ZBTB8OS: variants seen among roughly 807,000 people sequenced by gnomAD.
ZBTB8OS encodes the protein tRNA splicing ligase complex subunit 1.
In ZBTB8OS, 16 loss-of-function variants were observed where a neutral mutation model predicts 29.3. That is an observed-to-expected ratio of 0.55 (90% CI 0.37 to 0.83). ZBTB8OS has a LOEUF of 0.83. Among genes scored for constraint, ZBTB8OS ranks in the 40% least tolerant of loss-of-function variants. ZBTB8OS has a pLI of 0.00. For missense variants in ZBTB8OS, 160 were observed against 196.9 expected (o/e 0.81, Z 1.12); for synonymous variants, 70 against 64.6 (o/e 1.08, Z -0.40).
intron 1 of ZBTB8OS, among the ~76,000 whole-genome samples, chr1:32,637,728 C>T (rs1004064253): frequency 2.0e-5 from 3 of 152,130 alleles, no homozygotes; most frequent in East Asian, 1.9e-4. Flanking sequence ...GTGATGAACA[C>T]GTTCTATAGA....
intron 1 of ZBTB8OS, among the ~76,000 whole-genome samples, chr1:32,649,835 T>C (rs60634574): frequency 0.072 from 10,942 of 152,096 alleles, 1,313 homozygotes; most frequent in African/African-American, 0.25. Context: ...CAGCTAATTT[T>C]GTATTTTTAG....
intron 1 of ZBTB8OS, 127 bp downstream of exon 1, chr1:32,650,306 C>A (rs755164759): frequency 1.6e-6 from 2 of 1,289,542 alleles, no homozygotes; most frequent in Non-Finnish European, 2.1e-6. Context: ...CTACAACAGC[C>A]GGCACAAATG....
chr1:32,646,329 A>G (rs947602233), intron 1 of ZBTB8OS, among the ~76,000 whole-genome samples: 2 of 152,044 alleles, frequency 1.3e-5, no homozygotes, highest in African/African-American at 4.8e-5. Flanking sequence ...CAGGGAAAAA[A>G]AAAAAGATTT....
At chr1:32,646,050 T>G (rs76441471) in intron 1 of ZBTB8OS, among the ~76,000 whole-genome samples, 1 of 152,170 alleles carries the variant, frequency 6.6e-6, no homozygotes. Flanking sequence ...CTGGGTGCAG[T>G]GCCTCACGTC....
intron 1 of ZBTB8OS, among the ~76,000 whole-genome samples, chr1:32,646,499 T>G (rs1646842201): frequency 6.6e-6 from 1 of 151,394 alleles, no homozygotes; most frequent in African/African-American, 2.4e-5. Flanking sequence ...GCCATTCTCC[T>G]GCCTCAGCCT....
intron 5 of ZBTB8OS, among the ~76,000 whole-genome samples, chr1:32,628,812 C>T (rs749446388): frequency 2.0e-5 from 3 of 151,538 alleles, no homozygotes; most frequent in Non-Finnish European, 4.4e-5. Flanking sequence ...TCCATGCGCC[C>T]GTGGTCCCAC....
At chr1:32,636,229 T>C (rs141032167) in intron 1 of ZBTB8OS, among the ~76,000 whole-genome samples, 4,609 of 152,094 alleles carry the variant, frequency 0.03, 233 homozygotes, top group African/African-American at 0.1. Context: ...CTTTAAAAAC[T>C]CTGATCCCCA....
chr1:32,626,528 T>C (rs763613781), intron 6 of ZBTB8OS, among the ~76,000 whole-genome samples: 19 of 152,024 alleles, frequency 1.2e-4, no homozygotes, highest in Non-Finnish European at 1.9e-4. Flanking sequence ...GTAAGAGTGA[T>C]TTTTACATCT....
chr1:32,633,841 T>C (rs779464696), intron 3 of ZBTB8OS, 110 bp downstream of exon 3: 416 of 1,469,120 alleles, frequency 2.8e-4, no homozygotes, highest in Non-Finnish European at 3.6e-4. Flanking sequence ...AAAAGACTCA[T>C]CCTTAATTTT....
chr1:32,631,194 G>A (rs559420496), intron 5 of ZBTB8OS, among the ~76,000 whole-genome samples: 2 of 151,128 alleles, frequency 1.3e-5, no homozygotes, highest in East Asian at 3.9e-4. Context: ...CATCTCTTCA[G>A]AAAACAAAAA....
At chr1:32,646,038 G>A (rs1239152265) in intron 1 of ZBTB8OS, among the ~76,000 whole-genome samples, 1 of 152,048 alleles carries the variant, frequency 6.6e-6, no homozygotes, top group African/African-American at 2.4e-5. Flanking sequence ...GATGTATTTT[G>A]GCTGGGTGCA....
chr1:32,636,711 G>C (rs866103745), intron 1 of ZBTB8OS, among the ~76,000 whole-genome samples: 18 of 151,002 alleles, frequency 1.2e-4, no homozygotes, highest in Non-Finnish European at 2.2e-4. Context: ...AAAAAAAGGT[G>C]GGGGGGAAGA....
At chr1:32,650,684 C>A (rs777156768), upstream of ZBTB8OS, 6 of 1,376,546 alleles carry the variant, frequency 4.4e-6, no homozygotes, top group African/African-American at 2.9e-5. Context: ...AGTCCCTACC[C>A]TGCCGCTTGG....
At chr1:32,635,013 C>G (rs954712107) in intron 1 of ZBTB8OS, among the ~76,000 whole-genome samples, 4 of 150,850 alleles carry the variant, frequency 2.7e-5, no homozygotes, top group African/African-American at 7.3e-5. Flanking sequence ...GAGCCAAGAT[C>G]GCGCCACTGC....
chr1:32,634,381 C>A, intron 2 of ZBTB8OS: 1 of 315,774 alleles, frequency 3.2e-6, no homozygotes, highest in Non-Finnish European at 5.8e-6. Flanking sequence ...CAGGCACCAC[C>A]AGACCCGGCT....
chr1:32,631,969 C>A, intron 4 of ZBTB8OS, 90 bp from the exon 5 acceptor site: 3 of 447,452 alleles, frequency 6.7e-6, no homozygotes, highest in East Asian at 5.3e-5. Context: ...TTTTTTGGAC[C>A]ATCTACTAAA....
At chr1:32,641,561 C>G (rs770317186) in intron 1 of ZBTB8OS, among the ~76,000 whole-genome samples, 1 of 147,102 alleles carries the variant, frequency 6.8e-6, no homozygotes, top group East Asian at 2.1e-4. Context: ...CATGAGCCAC[C>G]GCGCCCGGCC....
chr1:32,650,343 C>T, intron 1 of ZBTB8OS, 90 bp downstream of exon 1: 1 of 1,524,540 alleles, frequency 6.6e-7, no homozygotes, highest in East Asian at 2.3e-5. Flanking sequence ...ACCCATGGGG[C>T]ACAGTAGAAA....
chr1:32,641,010 C>CAAAGAAAA (rs1646350080), intron 1 of ZBTB8OS, among the ~76,000 whole-genome samples: 1 of 104,786 alleles, frequency 9.5e-6, no homozygotes, highest in African/African-American at 3.9e-5. Context: ...ACTAAAAATA[C>CAAAGAAAA]AAAAAAAAAA....
Sources: allele counts gnomAD v4.1 joint callset (sites outside exome capture counted in the v4.1 genomes callset), GRCh38; gene constraint gnomAD v4.1.1; transcripts MANE v1.5; gene names NCBI Gene and HGNC (gene_info 2026-07-23, HGNC 2026-07-21).